Variants in EEIG2 observed in about 807,000 individuals in gnomAD.
EEIG2 encodes EEIG family member 2.
At chr1:108,628,539 T>C in the EEIG2 span, 2 of 1,613,704 alleles carry the variant, frequency 1.2e-6, no homozygotes, top group East Asian at 4.5e-5. Context: ...GAGCCAAATC[T>C]TGATACAGCT....
chr1:108,628,661 G>A, the EEIG2 span: 1 of 1,599,074 alleles, frequency 6.3e-7, no homozygotes, highest in Non-Finnish European at 8.5e-7. Flanking sequence ...AGGAAAAAAT[G>A]TAATTCTTTT....
At chr1:108,600,667 A>G in the EEIG2 span, 1 of 1,610,402 alleles carries the variant, frequency 6.2e-7, no homozygotes, top group Non-Finnish European at 8.5e-7. Context: ...CCTTGTATCT[A>G]CAGAGTATCC....
chr1:108,638,560 G>T, the EEIG2 span: 1 of 152,168 alleles, frequency 6.6e-6, no homozygotes, highest in Non-Finnish European at 1.5e-5. Context: ...ATATGACGGG[G>T]TTGCATTTTA....
At chr1:108,632,062 C>A in the EEIG2 span, among the ~76,000 whole-genome samples, 1 of 130,470 alleles carries the variant, frequency 7.7e-6, no homozygotes, top group African/African-American at 2.9e-5. Flanking sequence ...TGCGGTGAGC[C>A]AAGATTGCAC....
At chr1:108,636,136 T>G in the EEIG2 span, 1 of 152,240 alleles carries the variant, frequency 6.6e-6, no homozygotes, top group African/African-American at 2.4e-5. Flanking sequence ...TTTAGCTCTC[T>G]GTAGGTACTG....
chr1:108,590,621 C>T, the EEIG2 span, among the ~76,000 whole-genome samples: 5 of 152,178 alleles, frequency 3.3e-5, no homozygotes, highest in African/African-American at 4.8e-5. Context: ...ACGTGTCCAG[C>T]GTGACAGTTG....
the EEIG2 span, among the ~76,000 whole-genome samples, chr1:108,588,326 G>A: frequency 2.0e-5 from 3 of 151,942 alleles, no homozygotes; most frequent in African/African-American, 4.8e-5. Flanking sequence ...TCTCACCAGC[G>A]GTGTGAAAGG....
the EEIG2 span, among the ~76,000 whole-genome samples, chr1:108,593,647 T>G: frequency 6.6e-6 from 1 of 152,302 alleles, no homozygotes; most frequent in South Asian, 2.1e-4. Flanking sequence ...GCTGGTAGGT[T>G]ACTTACTAGC....
At chr1:108,568,932 A>G in the EEIG2 span, among the ~76,000 whole-genome samples, 1 of 152,182 alleles carries the variant, frequency 6.6e-6, no homozygotes, top group Non-Finnish European at 1.5e-5. Flanking sequence ...CTGTATGCCT[A>G]ACGAAACACT....
At chr1:108,628,692 A>G in the EEIG2 span, 1 of 1,611,086 alleles carries the variant, frequency 6.2e-7, no homozygotes, top group Non-Finnish European at 8.5e-7. Flanking sequence ...CAGTGAAACA[A>G]GATTCTGTAG....
At chr1:108,629,474 A>T in the EEIG2 span, 1 of 725,028 alleles carries the variant, frequency 1.4e-6, no homozygotes, top group Non-Finnish European at 2.2e-6. Flanking sequence ...TTGGTTTTTA[A>T]GTTGTTTATT....
the EEIG2 span, among the ~76,000 whole-genome samples, chr1:108,586,058 GTAGCAGT>G: frequency 6.6e-6 from 1 of 152,024 alleles, no homozygotes; most frequent in African/African-American, 2.4e-5. Context: ...TTCATAATAT[GTAGCAGT>G]ATTTTTCACA....
At chr1:108,576,361 AT>A in the EEIG2 span, among the ~76,000 whole-genome samples, 2 of 150,718 alleles carry the variant, frequency 1.3e-5, no homozygotes, top group African/African-American at 4.9e-5. Flanking sequence ...TTAGTTACAT[AT>A]GTATACATGT....
the EEIG2 span, among the ~76,000 whole-genome samples, chr1:108,610,343 GT>G: frequency 6.6e-6 from 1 of 152,182 alleles, no homozygotes; most frequent in Non-Finnish European, 1.5e-5. Context: ...AAGCAAGCAT[GT>G]GGGCACAGAT....
the EEIG2 span, among the ~76,000 whole-genome samples, chr1:108,566,249 A>T: frequency 6.6e-6 from 1 of 152,174 alleles, no homozygotes; most frequent in African/African-American, 2.4e-5. Flanking sequence ...TTATAAATAA[A>T]CTACAATAAA....
chr1:108,637,254 T>C, the EEIG2 span: 1 of 152,170 alleles, frequency 6.6e-6, no homozygotes, highest in Non-Finnish European at 1.5e-5. Context: ...TAACAAATAT[T>C]TTAATAAATA....
chr1:108,629,005 TGTTA>T, the EEIG2 span, among the ~76,000 whole-genome samples: 2 of 152,226 alleles, frequency 1.3e-5, no homozygotes, highest in Admixed American at 1.3e-4. Flanking sequence ...AAAGAACAAA[TGTTA>T]GTTAAAAGTG....
At chr1:108,620,988 G>A in the EEIG2 span, among the ~76,000 whole-genome samples, 1 of 152,120 alleles carries the variant, frequency 6.6e-6, no homozygotes, top group Admixed American at 6.5e-5. Flanking sequence ...CTAAGTTTAG[G>A]GGATGACTAG....
At chr1:108,591,482 G>A in the EEIG2 span, among the ~76,000 whole-genome samples, 1 of 152,296 alleles carries the variant, frequency 6.6e-6, no homozygotes, top group Admixed American at 6.5e-5. Context: ...AGGGCACACA[G>A]TCATCAATTT....
Sources: allele counts gnomAD v4.1 joint callset (sites outside exome capture counted in the v4.1 genomes callset), GRCh38; gene constraint gnomAD v4.1.1; transcripts MANE v1.5; gene names NCBI Gene and HGNC (gene_info 2026-07-23, HGNC 2026-07-21).